Variants in EDNRB observed in about 807,000 individuals in gnomAD.
The protein encoded by EDNRB is endothelin receptor type B, also known as Hirschsprung disease 2.
Under a neutral mutation model 46.4 loss-of-function variants are expected in EDNRB, and 18 were observed. That is an observed-to-expected ratio of 0.39 (90% CI 0.27 to 0.57). The LOEUF (loss-of-function observed/expected upper bound fraction) is 0.57. EDNRB is among the 20% of genes least tolerant of loss of function. The pLI, the probability that EDNRB is intolerant of heterozygous loss-of-function variation, is 0.61. For synonymous variants in EDNRB, 213 were observed against 204.9 expected, an observed-to-expected ratio of 1.04 and a Z score of -0.34; for missense variants, 434 against 537.5, an observed-to-expected ratio of 0.81 and a Z score of 1.90.
chr13:77,905,793 A>G (rs1314824809), intron 1 of EDNRB, among the ~76,000 whole-genome samples: 4 of 151,982 alleles, frequency 2.6e-5, no homozygotes, highest in Non-Finnish European at 4.4e-5. Context: ...AGGTCAAAAC[A>G]AGCCTGGTGA....
chr13:77,954,661 G>A lies in EDNRB; in HGVS notation c.-52+20686C>T, dbSNP rs113955694. ...AGCTGGGACTACATGCATGTGCCAC[G>A]ACACATGGCTAATTTTTGTATTTTT... is the stretch of plus-strand genomic sequence containing the variant. On this transcript the variant is annotated intron_variant, in intron 1 of 7. Transcript: ENST00000646948. Among the ~76,000 whole-genome samples the A allele has an allele frequency of 4.6e-3, 691 of 151,794 alleles. 8 individuals carry two copies. Among genetic ancestry groups the A allele is most frequent in the South Asian group, 0.019 (93 of 4,800 alleles).
chr13:77,896,340 A>C lies in EDNRB; in HGVS notation c.*1860T>G, dbSNP rs886050321. 3.2e-6 allele frequency: 4 copies of C among 1,246,936 alleles called. No individual in the cohort carries two copies. In the East Asian group the frequency reaches 9.1e-5, roughly 28 times the overall value. The allele number at this position is 1,246,936 out of a possible 1,614,324, so 77.2% of individuals were successfully genotyped here. ...AAAATTAATTTAAAATTGAGAGTCT[A>C]AAATGACTTCTATGATAACAGGCCT... On this transcript the variant is annotated 3_prime_UTR_variant, in exon 7 of 7. Transcript: ENST00000646607.
At chr13:77,899,558 T>C (rs529548260) in intron 6 of EDNRB, 2 of 295,696 alleles carry the variant, frequency 6.8e-6, no homozygotes, top group South Asian at 7.6e-5. Context: ...TAGCCCTTAT[T>C]TTATTATGTG....
intron 1 of EDNRB, among the ~76,000 whole-genome samples, chr13:77,910,545 G>A (rs1037268289): frequency 2.6e-5 from 4 of 151,944 alleles, no homozygotes; most frequent in African/African-American, 9.7e-5. Context: ...TCAAGTGCAT[G>A]GAAATATTTT....
chr13:77,917,581 A>G (rs1012530855), intron 1 of EDNRB, among the ~76,000 whole-genome samples: 3 of 152,184 alleles, frequency 2.0e-5, no homozygotes, highest in African/African-American at 7.2e-5. Flanking sequence ...ACAAACTCTC[A>G]GGTAATATTG....
At position 77,897,305 on chromosome 13, in the gene EDNRB, AAAG is replaced by A. The variant is rs369508149; in HGVS notation, c.*892_*894del. 2.5e-5 allele frequency: 25 copies of A among 985,130 alleles called. No homozygotes were observed. The highest frequency in any genetic ancestry group is 1.2e-4 in the Admixed American group (2 of 16,228). 61.0% of individuals were successfully genotyped at this position (985,130 alleles called of 1,614,324 possible). ...AAACAGAGTTTAAGCTACGATAGTGAAAGAAGAAGATTTTAATAATCCTGAAAA... is the reference window on the plus strand; with the variant it reads ...AAACAGAGTTTAAGCTACGATAGTGAAAGAAGATTTTAATAATCCTGAAAA... On this transcript the variant is annotated 3_prime_UTR_variant, in exon 7 of 7. Transcript: ENST00000646607.
At chr13:77,920,949 A>T (rs1254199052), upstream of EDNRB, among the ~76,000 whole-genome samples, 1 of 152,052 alleles carries the variant, frequency 6.6e-6, no homozygotes, top group Non-Finnish European at 1.5e-5. Flanking sequence ...CTCTCTCCCC[A>T]CTGGCCTTCT....
intron 1 of EDNRB, among the ~76,000 whole-genome samples, chr13:77,914,478 T>C (rs956090839): frequency 1.3e-5 from 2 of 152,226 alleles, no homozygotes; most frequent in Non-Finnish European, 2.9e-5. Flanking sequence ...GAAGTTTTCA[T>C]TGTTCTTCTG....
intron 1 of EDNRB, among the ~76,000 whole-genome samples, chr13:77,916,793 C>T (rs12720174): frequency 0.17 from 25,956 of 152,156 alleles, 2,702 homozygotes; most frequent in East Asian, 0.54. Flanking sequence ...AATTCCATTT[C>T]CTTACACTGT....
intron 1 of EDNRB, among the ~76,000 whole-genome samples, chr13:77,930,797 A>C (rs1880371146): frequency 6.6e-6 from 1 of 152,204 alleles, no homozygotes; most frequent in Non-Finnish European, 1.5e-5. Flanking sequence ...AGAAATAATG[A>C]GTTTTGGCTA....
chr13:77,941,803 TTAAA>T (rs1396569623), intron 1 of EDNRB, among the ~76,000 whole-genome samples: 1 of 152,224 alleles, frequency 6.6e-6, no homozygotes, highest in Non-Finnish European at 1.5e-5. Flanking sequence ...GAACTAATGC[TTAAA>T]TAAAGCAAAA....
intron 1 of EDNRB, among the ~76,000 whole-genome samples, chr13:77,911,656 C>G (rs895075067): frequency 6.6e-6 from 1 of 151,964 alleles, no homozygotes; most frequent in Non-Finnish European, 1.5e-5. Context: ...TCTCCCTTCA[C>G]GCCTTCTCCT....
chr13:77,926,412 C>T (rs530282609), intron 1 of EDNRB, among the ~76,000 whole-genome samples: 3 of 152,158 alleles, frequency 2.0e-5, no homozygotes, highest in African/African-American at 7.2e-5. Context: ...CCACCAGATA[C>T]CCTAAATCAC....
rs754807912 is a variant in EDNRB at position 77,903,208 on chromosome 13, C to A, written c.749G>T (p.Ser250Ile). The change falls in exon 3 of 7, where the codon AGT becomes ATT. Residue 250 changes from serine to isoleucine, a missense_variant. Coordinates refer to ENST00000646607, the MANE Select transcript of EDNRB (RefSeq NM_001122659.3). Reference protein sequence around the residue: ...FDIITMDYKGSYLRICLLHPV... With the variant: ...FDIITMDYKGIYLRICLLHPV... The stretch of plus-strand genomic sequence containing the variant: ...ATGAAGCAAGCAGATTCGCAGATAA[C>A]TTCCTTTGTAGTCCATCGTAATTAT... The A allele has an allele frequency of 1.2e-6, 2 of 1,612,988 alleles. No homozygotes were observed. The highest frequency in any genetic ancestry group is 1.7e-6 in the Non-Finnish European group (2 of 1,179,324).
rs1391892820 is a variant in EDNRB at position 77,945,901 on chromosome 13, A to AAAAAAAAAAC, written c.-51-27278_-51-27277insGTTTTTTTTT. 3.3e-5 allele frequency among the ~76,000 whole-genome samples: 5 copies of AAAAAAAAAAC among 150,708 alleles called. 1 individual carries two copies. Among genetic ancestry groups the AAAAAAAAAAC allele is most frequent in the Admixed American group, 6.6e-5 (1 of 15,136 alleles). On this transcript the variant is annotated intron_variant, in intron 1 of 7. Coordinates refer to the EDNRB transcript ENST00000646948. ...CAAAAAAAAAAAAAAAAACAAAAAA[A>AAAAAAAAAAC]ACACACAATCCGAAGAGACAAAGCA...
chr13:77,900,460 C>A, intron 5 of EDNRB, 61 bp downstream of exon 5: 2 of 1,605,878 alleles, frequency 1.2e-6, no homozygotes, highest in Non-Finnish European at 1.7e-6. Flanking sequence ...TAAAAAAGAT[C>A]GATGGAAACA....
chr13:77,936,767 A>T (rs1407428211), intron 1 of EDNRB, among the ~76,000 whole-genome samples: 2 of 152,208 alleles, frequency 1.3e-5, no homozygotes. Flanking sequence ...CAGTGGCCAG[A>T]TTTCTGGCAC....
chr13:77,904,344 T>C (rs1879164701), intron 1 of EDNRB, among the ~76,000 whole-genome samples: 2 of 151,990 alleles, frequency 1.3e-5, no homozygotes, highest in African/African-American at 2.4e-5. Flanking sequence ...TCTTTTCCTT[T>C]TTATCCATAG....
intron 1 of EDNRB, among the ~76,000 whole-genome samples, chr13:77,935,725 GC>G (rs1411441584): frequency 6.6e-6 from 1 of 152,186 alleles, no homozygotes; most frequent in Non-Finnish European, 1.5e-5. Context: ...AATTTGCTGA[GC>G]CTGTTGGGTG....
Sources: allele counts gnomAD v4.1 joint callset (sites outside exome capture counted in the v4.1 genomes callset), GRCh38; gene constraint gnomAD v4.1.1; transcripts MANE v1.5; gene names NCBI Gene and HGNC (gene_info 2026-07-23, HGNC 2026-07-21).